Variants in SAMD5 observed in about 807,000 individuals in gnomAD.
SAMD5 encodes sterile alpha motif domain containing 5.
Under a neutral mutation model 11.3 loss-of-function variants are expected in SAMD5, and 13 were observed. The ratio of observed to expected loss-of-function variants is 1.15; its 90% confidence interval spans 0.75 to 1.83. The LOEUF (loss-of-function observed/expected upper bound fraction) is 1.83, where lower values mean the gene tolerates loss of function less well. SAMD5 is among the 40% of genes most tolerant of loss of function. The pLI is 0.00. For synonymous variants in SAMD5, 129 were observed against 111.3 expected (o/e 1.16, Z -1.00); for missense variants, 255 against 239.1 (o/e 1.07, Z -0.44).
chr6:147,590,609 C>T (rs1340130870), intron 1 of SAMD5, among the ~76,000 whole-genome samples: 3 of 152,166 alleles, frequency 2.0e-5, no homozygotes, highest in Admixed American at 2.0e-4. Flanking sequence ...GACAGGGTTT[C>T]ATCATGTTGC....
At chr6:147,865,598 TC>T in the SAMD5 span, among the ~76,000 whole-genome samples, 1 of 152,158 alleles carries the variant, frequency 6.6e-6, no homozygotes, top group Non-Finnish European at 1.5e-5. Context: ...AATGAATGCC[TC>T]AAAGGTCCCC....
Position 147,556,901 on chromosome 6 carries a change from C to T in SAMD5, c.460-7493C>T, listed in dbSNP as rs1290344707. Among the ~76,000 whole-genome samples the T allele has an allele frequency of 2.6e-5, 4 of 152,118 alleles. No homozygotes were observed. The East Asian group carries it at 7.7e-4, about 29-fold the overall frequency. Reference sequence around the variant, plus strand: ...CACTAAAACCTTCTCTCTTGTCTTGCAATTTAAAATAAATCACAAATATTC... The same window carrying T: ...CACTAAAACCTTCTCTCTTGTCTTGTAATTTAAAATAAATCACAAATATTC... On this transcript the variant is annotated intron_variant, in intron 1 of 1. Transcript: ENST00000367474.
intron 1 of SAMD5, among the ~76,000 whole-genome samples, chr6:147,543,511 A>G (rs1438158802): frequency 1.3e-5 from 2 of 152,220 alleles, no homozygotes; most frequent in Non-Finnish European, 2.9e-5. Context: ...TGCAGGATAT[A>G]CTGAATTGGT....
chr6:147,667,034 T>A (rs1159929584), intron 1 of SAMD5, among the ~76,000 whole-genome samples: 1 of 152,140 alleles, frequency 6.6e-6, no homozygotes, highest in African/African-American at 2.4e-5. Flanking sequence ...TCATGAAGCC[T>A]TCTAGAGCCC....
the SAMD5 span, among the ~76,000 whole-genome samples, chr6:147,913,406 G>A: frequency 6.6e-6 from 1 of 152,156 alleles, no homozygotes; most frequent in Admixed American, 6.5e-5. Context: ...ATACAAATAT[G>A]AAATGGGGGC....
rs572584828 is a variant in SAMD5, at chr6:147,610,738, AGTGTCTGCAACCTCATGGTT to A, written c.162+101353_162+101372del. Among the ~76,000 whole-genome samples the A allele has an allele frequency of 8.6e-3, 1,309 of 152,134 alleles. 52 individuals are homozygous for A. The highest frequency in any genetic ancestry group is 0.069 in the Admixed American group (1,058 of 15,282). ...GTGAGTGTCTGGCCCTCATTGTTGC[AGTGTCTGCAACCTCATGGTT>A]GCAGGAGGTTTGATCAGGATTTGGG... On this transcript the variant is annotated intron_variant, in intron 1 of 1. Transcript: ENST00000566741.
chr6:147,548,150 G>A (rs1171450595), intron 1 of SAMD5, among the ~76,000 whole-genome samples: 1 of 152,154 alleles, frequency 6.6e-6, no homozygotes, highest in African/African-American at 2.4e-5. Flanking sequence ...ATTTAGCGGG[G>A]AGTGGGAAGT....
At chr6:147,653,506 T>G (rs923151721) in intron 1 of SAMD5, among the ~76,000 whole-genome samples, 2 of 152,246 alleles carry the variant, frequency 1.3e-5, no homozygotes, top group Non-Finnish European at 2.9e-5. Flanking sequence ...ATATGCTTTG[T>G]GCAGCCAGGC....
At chr6:147,825,115 A>G in the SAMD5 span, among the ~76,000 whole-genome samples, 1 of 151,982 alleles carries the variant, frequency 6.6e-6, no homozygotes, top group Non-Finnish European at 1.5e-5. Context: ...TGGCCAACAT[A>G]GTGAAACCCC....
intron 1 of SAMD5, among the ~76,000 whole-genome samples, chr6:147,577,077 A>G (rs1789227174): frequency 6.6e-6 from 1 of 152,246 alleles, no homozygotes; most frequent in Non-Finnish European, 1.5e-5. Flanking sequence ...CTTCATACCA[A>G]TGCCCAGGAT....
chr6:147,843,494 C>A, the SAMD5 span, among the ~76,000 whole-genome samples: 1 of 151,810 alleles, frequency 6.6e-6, no homozygotes, highest in African/African-American at 2.4e-5. Context: ...TTTTTTAAAT[C>A]CAAAAATTTA....
Position 147,565,890 on chromosome 6 carries a change from G to A in SAMD5, c.*1434G>A. 6.1e-6 allele frequency: 6 copies of A among 985,368 alleles called. No homozygotes were observed. The highest frequency in any genetic ancestry group is 7.2e-6 in the Non-Finnish European group (6 of 829,912). The allele number at this position is 985,368 out of a possible 1,614,324, so 61.0% of individuals were successfully genotyped here. On this transcript the variant is annotated 3_prime_UTR_variant, in exon 2 of 2. Coordinates refer to ENST00000367474, the MANE Select transcript of SAMD5 (RefSeq NM_001030060.3). ...CTCCTGAGGCTGTCAATTGTTTAGA[G>A]CTCCCAAGTAGTACTGCATTACGGA...
At chr6:147,534,284 CTG>C (rs1788474756) in intron 1 of SAMD5, among the ~76,000 whole-genome samples, 1 of 152,080 alleles carries the variant, frequency 6.6e-6, no homozygotes, top group African/African-American at 2.4e-5. Context: ...GGCGAAAGGA[CTG>C]TGTTCTTTTT....
At chr6:147,551,539 T>A (rs984756729) in intron 1 of SAMD5, among the ~76,000 whole-genome samples, 2 of 152,046 alleles carry the variant, frequency 1.3e-5, no homozygotes, top group Admixed American at 6.6e-5. Flanking sequence ...CCAATCTGAA[T>A]GTTAAGGTGG....
the SAMD5 span, among the ~76,000 whole-genome samples, chr6:147,932,913 T>C: frequency 4.2e-4 from 64 of 152,306 alleles, no homozygotes; most frequent in Non-Finnish European, 8.1e-4. Flanking sequence ...ATGATGATTA[T>C]GTAAAAACAG....
intron 1 of SAMD5, among the ~76,000 whole-genome samples, chr6:147,522,856 A>G (rs1788275397): frequency 6.6e-6 from 1 of 152,200 alleles, no homozygotes; most frequent in African/African-American, 2.4e-5. Flanking sequence ...GCAGCCACAT[A>G]GTTGTGGGTA....
At chr6:147,720,665 T>C (rs1791537686) in intron 1 of SAMD5, among the ~76,000 whole-genome samples, 1 of 152,126 alleles carries the variant, frequency 6.6e-6, no homozygotes, top group Non-Finnish European at 1.5e-5. Flanking sequence ...TGACTGTATA[T>C]AAGACTTTAA....
chr6:147,579,840 T>C (rs185418813), intron 1 of SAMD5, among the ~76,000 whole-genome samples: 1 of 152,328 alleles, frequency 6.6e-6, no homozygotes, highest in Non-Finnish European at 1.5e-5. Flanking sequence ...TTTAGGCTTA[T>C]GAATGATGCC....
the SAMD5 span, among the ~76,000 whole-genome samples, chr6:147,899,191 AAAG>A: frequency 6.6e-6 from 1 of 150,958 alleles, no homozygotes; most frequent in South Asian, 2.1e-4. Flanking sequence ...AAAAAAAAAA[AAAG>A]ATAACGTGTC....
Sources: gnomAD v4.1 joint callset for allele counts (sites outside exome capture counted in the v4.1 genomes callset) on GRCh38, gnomAD v4.1.1 for gene constraint, MANE v1.5 for transcripts, NCBI Gene and HGNC (gene_info 2026-07-23, HGNC 2026-07-21) for gene names.